Variants in PRRC2B observed in about 807,000 individuals in gnomAD.
The protein encoded by PRRC2B is proline rich coiled-coil 2B, also known as protein PRRC2B.
In PRRC2B, 68 loss-of-function variants were observed where a neutral mutation model predicts 242.3. That is an observed-to-expected ratio of 0.28 (90% CI 0.23 to 0.34). PRRC2B has a LOEUF of 0.34. PRRC2B is among the 10% of genes least tolerant of loss of function. The pLI is 1.00. For synonymous variants in PRRC2B, 1,228 were observed against 1,173.6 expected (o/e 1.05, Z -0.95); for missense variants, 2,835 against 2,954.8 (o/e 0.96, Z 0.94).
intron 5 of PRRC2B, among the ~76,000 whole-genome samples, chr9:131,443,387 C>T (rs1406499288): frequency 4.6e-5 from 7 of 151,872 alleles, no homozygotes; most frequent in Non-Finnish European, 1.0e-4. Flanking sequence ...CCGCCCGCGT[C>T]GGCCTCCCAA....
rs551526263 is a variant in PRRC2B at position 131,491,937 on chromosome 9, G to T, written c.6382-232G>T. Reference sequence around the variant, plus strand: ...CTGGCTTAGAGGGAAAGGGCTTGCAGATTTCTCTAGAACAGGGGTCCCCAG... The same window carrying T: ...CTGGCTTAGAGGGAAAGGGCTTGCATATTTCTCTAGAACAGGGGTCCCCAG... On this transcript the variant is annotated intron_variant, in intron 29 of 31. Transcript: ENST00000683519. 1.9e-4 allele frequency among the ~76,000 whole-genome samples: 29 copies of T among 152,370 alleles called. 1 individual carries two copies. In the East Asian group the frequency reaches 5.2e-3, roughly 27 times the overall value.
intron 5 of PRRC2B, 26 bp downstream of exon 5, chr9:131,439,087 TTGGG>T (rs756943330): frequency 6.2e-7 from 1 of 1,603,102 alleles, no homozygotes; most frequent in African/African-American, 1.3e-5. Flanking sequence ...TGTGTGTTGT[TTGGG>T]GACGCTGGGG....
intron 18 of PRRC2B, 30 bp downstream of exon 18, chr9:131,478,649 G>GGGGGGGGGGGGGGGGCCCCGGGGC: frequency 2.0e-6 from 1 of 504,558 alleles, no homozygotes; most frequent in Non-Finnish European, 4.0e-6. Flanking sequence ...GGGGCATGGG[G>GGGGGGGGGGGGGGGGCCCCGGGGC]CTGGAGGGCA....
chr9:131,403,668 AAAAAAAAAAAAC>A (rs934803242), intron 1 of PRRC2B, among the ~76,000 whole-genome samples: 3 of 26,500 alleles, frequency 1.1e-4, no homozygotes, highest in African/African-American at 2.7e-4. Flanking sequence ...ACTTTAAAAA[AAAAAAAAAAAAC>A]AAAATTAAAA....
intron 9 of PRRC2B, among the ~76,000 whole-genome samples, chr9:131,450,787 C>T (rs981019615): frequency 2.0e-5 from 3 of 151,980 alleles, no homozygotes; most frequent in Non-Finnish European, 4.4e-5. Flanking sequence ...GAAGTTTCAC[C>T]ATGTTGGCCA....
At chr9:131,400,839 A>C (rs1160513121) in intron 1 of PRRC2B, among the ~76,000 whole-genome samples, 1 of 152,108 alleles carries the variant, frequency 6.6e-6, no homozygotes, top group Non-Finnish European at 1.5e-5. Flanking sequence ...TGTCTTAAAC[A>C]GTTTTTGTTT....
chr9:131,406,499 C>T (rs1363176938), intron 1 of PRRC2B, among the ~76,000 whole-genome samples: 1 of 152,178 alleles, frequency 6.6e-6, no homozygotes, highest in East Asian at 1.9e-4. Context: ...GGGCCAGCAA[C>T]AGCCCTGACT....
chr9:131,431,010 G>A (rs897387192), intron 2 of PRRC2B, among the ~76,000 whole-genome samples: 28 of 151,422 alleles, frequency 1.8e-4, no homozygotes, highest in African/African-American at 6.3e-4. Flanking sequence ...GAGTGCAATG[G>A]CGTGATCTCA....
chr9:131,405,641 G>A (rs1837341602), intron 1 of PRRC2B, among the ~76,000 whole-genome samples: 2 of 152,196 alleles, frequency 1.3e-5, no homozygotes, highest in Non-Finnish European at 2.9e-5. Flanking sequence ...GGGTGGTGGT[G>A]TTTCATCAGG....
rs188849460 is a variant in PRRC2B at position 131,445,789 on chromosome 9, C to G, written c.614-612C>G. On this transcript the variant is annotated intron_variant, in intron 6 of 31. Coordinates refer to ENST00000683519, the MANE Select transcript of PRRC2B (RefSeq NM_013318.4). The stretch of plus-strand genomic sequence containing the variant: ...GTCTCATTTGATTTCTTGTTGGCCT[C>G]TAATAATTTCCACCCGATCTTACCA... Among the ~76,000 whole-genome samples, 5 of 152,240 alleles carry G rather than the reference C, an allele frequency of 3.3e-5. No homozygotes were observed. The South Asian group carries it at 6.2e-4, about 19-fold the overall frequency.
Position 131,486,072 on chromosome 9 carries a change from G to A in PRRC2B, c.5759-13G>A, listed in dbSNP as rs201728410. ...GATCCTCTTCTACGTCCCTTTTGCC[G>A]CTCTGTTTCCAGGCAGCCACCTCCC... is the stretch of plus-strand genomic sequence containing the variant. On this transcript the variant is annotated splice_polypyrimidine_tract_variant and intron_variant, in intron 25 of 31. Coordinates refer to ENST00000683519, the MANE Select transcript of PRRC2B (RefSeq NM_013318.4). 20 of 1,584,112 alleles carry A rather than the reference G, an allele frequency of 1.3e-5. No individual in the cohort carries two copies. The Admixed American group carries it at 2.4e-4, about 19-fold the overall frequency.
intron 1 of PRRC2B, among the ~76,000 whole-genome samples, chr9:131,383,539 C>T (rs1836787991): frequency 6.6e-6 from 1 of 151,952 alleles, no homozygotes; most frequent in Admixed American, 6.6e-5. Flanking sequence ...TGAAAGAAAG[C>T]TCACGAAATC....
intron 14 of PRRC2B, among the ~76,000 whole-genome samples, chr9:131,471,316 T>C (rs1943540141): frequency 6.6e-6 from 1 of 152,352 alleles, no homozygotes; most frequent in South Asian, 2.1e-4. Flanking sequence ...AAGGTTTGTC[T>C]AGTGCCTTTT....
intron 1 of PRRC2B, among the ~76,000 whole-genome samples, chr9:131,410,063 T>TA (rs1837466907): frequency 6.6e-6 from 1 of 152,220 alleles, no homozygotes; most frequent in South Asian, 2.1e-4. Flanking sequence ...GGCCTTTGTA[T>TA]AGCACATCTG....
At position 131,473,914 on chromosome 9, in the gene PRRC2B, T is replaced by C. The variant is rs192832560; in HGVS notation, c.2324+190T>C. On this transcript the variant is annotated intron_variant, in intron 15 of 31. Transcript: ENST00000683519. ...TGCTTGAATGCTTTGTCCAAGAGGC[T>C]CTTTTCAGATGGTGAGACGTAAGGT... Among the ~76,000 whole-genome samples the C allele has an allele frequency of 2.4e-3, 365 of 152,230 alleles. 1 individual carries two copies. The highest frequency in any genetic ancestry group is 4.2e-3 in the Non-Finnish European group (288 of 68,010).
chr9:131,416,444 A>G (rs1172559554), intron 1 of PRRC2B, among the ~76,000 whole-genome samples: 4 of 152,196 alleles, frequency 2.6e-5, no homozygotes, highest in Admixed American at 2.6e-4. Context: ...TTACTTTAGA[A>G]TAGTTTAGCT....
At position 131,464,805 on chromosome 9, in the gene PRRC2B, G is replaced by A. The variant is rs561244073; in HGVS notation, c.1447G>A (p.Asp483Asn). The change falls in exon 12 of 32, where the codon GAC becomes AAC. Residue 483 changes from aspartate (D) to asparagine (N), a missense_variant. Coordinates refer to ENST00000683519, the MANE Select transcript of PRRC2B (RefSeq NM_013318.4). ...CATGTTCCGGCAACAGTCCATCGAGGACAAGGAGGACAAGCCCCCACCAAG... is the reference window on the plus strand; with the variant it reads ...CATGTTCCGGCAACAGTCCATCGAGAACAAGGAGGACAAGCCCCCACCAAG... ...GSMFRQQSIE[D>N]KEDKPPPRQK... is the part of the protein sequence containing the mutation. 202 of 1,611,672 alleles carry A rather than the reference G, an allele frequency of 1.3e-4. No individual in the cohort carries two copies. Among genetic ancestry groups the A allele is most frequent in the Middle Eastern group, 1.2e-3 (7 of 6,036 alleles).
chr9:131,409,859 G>A (rs576443206), intron 1 of PRRC2B, among the ~76,000 whole-genome samples: 1 of 152,288 alleles, frequency 6.6e-6, no homozygotes, highest in African/African-American at 2.4e-5. Flanking sequence ...TGCTGTCTCC[G>A]ATTTCTCTTC....
chr9:131,427,620 G>A (rs1239749238), intron 1 of PRRC2B, among the ~76,000 whole-genome samples: 3 of 151,936 alleles, frequency 2.0e-5, no homozygotes, highest in African/African-American at 4.8e-5. Flanking sequence ...GTGAGCCACC[G>A]CACCTGGCCC....
Sources: gnomAD v4.1 joint callset for allele counts (sites outside exome capture counted in the v4.1 genomes callset) on GRCh38, gnomAD v4.1.1 for gene constraint, MANE v1.5 for transcripts, NCBI Gene and HGNC (gene_info 2026-07-23, HGNC 2026-07-21) for gene names.